Variants in EYS observed in about 807,000 individuals in gnomAD.
EYS encodes the protein EGF-like photoreceptor maintenance factor, also known as protein eyes shut homolog.
EYS carries 250 observed loss-of-function variants against 282.1 expected under a neutral mutation model. That is an observed-to-expected ratio of 0.89 (90% CI 0.80 to 0.98). EYS has a LOEUF of 0.98. Ranked by LOEUF, EYS falls within the 50% of genes least tolerant of loss-of-function variation. EYS has a pLI of 0.00. For missense variants in EYS, 4,016 were observed against 3,709.0 expected (o/e 1.08, Z -2.15); for synonymous variants, 1,355 against 1,282.9 (o/e 1.06, Z -1.20).
intron 29 of EYS, among the ~76,000 whole-genome samples, chr6:64,354,722 T>C (rs1771765220): frequency 6.6e-6 from 1 of 151,572 alleles, no homozygotes; most frequent in Admixed American, 6.6e-5. Context: ...TCATTAAAGG[T>C]GTTATTTTTA....
intron 15 of EYS, among the ~76,000 whole-genome samples, chr6:64,940,294 G>A (rs763636789): frequency 5.9e-5 from 9 of 151,962 alleles, no homozygotes; most frequent in Non-Finnish European, 1.3e-4. Context: ...GTTCCCAGTG[G>A]TGTTTGTCTG....
chr6:64,421,382 AT>A (rs1774228734), intron 28 of EYS, among the ~76,000 whole-genome samples: 1 of 152,166 alleles, frequency 6.6e-6, no homozygotes, highest in Admixed American at 6.5e-5. Context: ...GAGACCTAAA[AT>A]TCAAGATGAG....
At chr6:63,807,842 G>A (rs1008486424) in intron 36 of EYS, among the ~76,000 whole-genome samples, 5 of 151,678 alleles carry the variant, frequency 3.3e-5, no homozygotes, top group African/African-American at 9.7e-5. Flanking sequence ...ACTATGGGGA[G>A]GGTGATTGAG....
At chr6:64,393,094 C>A (rs1773215017) in intron 28 of EYS, among the ~76,000 whole-genome samples, 1 of 152,176 alleles carries the variant, frequency 6.6e-6, no homozygotes, top group South Asian at 2.1e-4. Flanking sequence ...GAAGTTGAAT[C>A]TCTGAATAGA....
chr6:65,111,603 A>G (rs1291436331), intron 12 of EYS, among the ~76,000 whole-genome samples: 1 of 152,178 alleles, frequency 6.6e-6, no homozygotes, highest in East Asian at 1.9e-4. Flanking sequence ...ATCCCTCCCT[A>G]TTGGGACGCC....
In EYS at chr6:65,201,301, T is replaced by A. The variant is rs147291958; in HGVS notation, c.2023+94562A>T. On this transcript the variant is annotated intron_variant, in intron 12 of 42. Transcript: ENST00000503581. ...GACTTAGTATGTTAACATAAATGAATAAATGTCTTCTAAATGCTTTGTCTT... is the reference window on the plus strand; with the variant it reads ...GACTTAGTATGTTAACATAAATGAAAAAATGTCTTCTAAATGCTTTGTCTT... 5.3e-5 allele frequency among the ~76,000 whole-genome samples: 8 copies of A among 152,324 alleles called. No individual in the cohort carries two copies. In the East Asian group the frequency reaches 1.5e-3, roughly 29 times the overall value.
intron 33 of EYS, among the ~76,000 whole-genome samples, chr6:64,032,025 T>C (rs1458533073): frequency 6.6e-6 from 1 of 152,118 alleles, no homozygotes; most frequent in Non-Finnish European, 1.5e-5. Context: ...TTATGAGCTT[T>C]AACACTCACC....
intron 8 of EYS, among the ~76,000 whole-genome samples, chr6:65,364,222 G>T (rs1764822478): frequency 6.9e-6 from 1 of 145,922 alleles, no homozygotes; most frequent in Non-Finnish European, 1.5e-5. Context: ...CTCAGGCTTT[G>T]ACTAAAAAAT....
At chr6:64,994,004 A>T (rs1771164991) in intron 14 of EYS, among the ~76,000 whole-genome samples, 1 of 151,716 alleles carries the variant, frequency 6.6e-6, no homozygotes, top group Non-Finnish European at 1.5e-5. Context: ...AAAAATAAGC[A>T]TTCATTATTC....
intron 2 of EYS, among the ~76,000 whole-genome samples, chr6:65,607,910 T>G (rs966033682): frequency 6.6e-6 from 1 of 152,000 alleles, no homozygotes; most frequent in Non-Finnish European, 1.5e-5. Flanking sequence ...TTCCCTGGAA[T>G]GTGAGAAAGC....
chr6:64,004,258 A>T (rs73439194), intron 33 of EYS, among the ~76,000 whole-genome samples: 2,955 of 151,842 alleles, frequency 0.019, 65 homozygotes, highest in East Asian at 0.066. Flanking sequence ...AATGTCTATG[A>T]ATTTTTTTAT....
At chr6:64,753,451 C>A (rs976019177) in intron 22 of EYS, among the ~76,000 whole-genome samples, 15 of 149,006 alleles carry the variant, frequency 1.0e-4, no homozygotes, top group African/African-American at 3.7e-4. Context: ...CAAAAGAGAA[C>A]AAGAGTAGTT....
chr6:64,137,452 G>T (rs1774199635), intron 31 of EYS, among the ~76,000 whole-genome samples: 1 of 152,116 alleles, frequency 6.6e-6, no homozygotes, highest in South Asian at 2.1e-4. Context: ...CTTTCAACAT[G>T]CCTTCCTCAC....
rs1771311276 is a variant in EYS, at chr6:63,821,106, A to T, written c.7229-14734T>A. ...AAGTTTTGTAAGCCATTCATATATA[A>T]TATTATTAAAGTTTTATAATTTTCT... On this transcript the variant is annotated intron_variant, in intron 36 of 42. Coordinates refer to ENST00000503581, the MANE Select transcript of EYS (RefSeq NM_001142800.2). The T allele has an allele frequency of 3.3e-5, 5 of 151,788 alleles. No individual in the cohort carries two copies. In the South Asian group the frequency reaches 1.0e-3, roughly 31 times the overall value. 9.4% of individuals were successfully genotyped at this position (151,788 alleles called of 1,614,324 possible).
At chr6:65,119,885 T>G (rs6904617) in intron 12 of EYS, among the ~76,000 whole-genome samples, 1 of 150,250 alleles carries the variant, frequency 6.7e-6, no homozygotes, top group Non-Finnish European at 1.5e-5. Flanking sequence ...AGCCTGTAAT[T>G]CTAGCACTTT....
chr6:64,384,832 T>C (rs1014392994), intron 29 of EYS, among the ~76,000 whole-genome samples: 1 of 152,166 alleles, frequency 6.6e-6, no homozygotes, highest in Non-Finnish European at 1.5e-5. Flanking sequence ...TCTTCTCACA[T>C]CCTGAGCTCT....
At chr6:64,482,812 T>G (rs750118509) in intron 26 of EYS, among the ~76,000 whole-genome samples, 1 of 151,696 alleles carries the variant, frequency 6.6e-6, no homozygotes, top group Non-Finnish European at 1.5e-5. Flanking sequence ...TAACAATTTT[T>G]TTACCTGCAG....
chr6:64,507,098 A>G (rs2150516169), intron 26 of EYS, among the ~76,000 whole-genome samples: 1 of 152,016 alleles, frequency 6.6e-6, no homozygotes, highest in African/African-American at 2.4e-5. Context: ...TTGTGGTAAC[A>G]TGGTACTGAC....
chr6:65,190,556 C>G (rs947946522), intron 12 of EYS, among the ~76,000 whole-genome samples: 1 of 151,516 alleles, frequency 6.6e-6, no homozygotes, highest in African/African-American at 2.4e-5. Flanking sequence ...AAAGTGTATA[C>G]CTTCAGATGT....
Sources: allele counts gnomAD v4.1 joint callset (sites outside exome capture counted in the v4.1 genomes callset), GRCh38; gene constraint gnomAD v4.1.1; transcripts MANE v1.5; gene names NCBI Gene and HGNC (gene_info 2026-07-23, HGNC 2026-07-21).